Variants in CDC42 observed in about 807,000 individuals in gnomAD.
The protein encoded by CDC42 is cell division cycle 42, also known as cell division control protein 42 homolog.
CDC42 carries 1 observed loss-of-function variant against 20.8 expected under a neutral mutation model. The ratio of observed to expected loss-of-function variants is 0.05; its 90% CI spans 0.02 to 0.23. The LOEUF (loss-of-function observed/expected upper bound fraction) is 0.23, where lower values mean the gene tolerates loss of function less well. CDC42 is among the 10% of genes least tolerant of loss of function. The pLI is 1.00. For missense variants in CDC42, 49 were observed against 227.9 expected (o/e 0.21, Z 5.05); for synonymous variants, 72 against 84.8 (o/e 0.85, Z 0.83).
chr1:22,060,504 T>A (rs1297031081), intron 1 of CDC42, among the ~76,000 whole-genome samples: 1 of 152,086 alleles, frequency 6.6e-6, no homozygotes, highest in African/African-American at 2.4e-5. Context: ...GAAAAGAGGA[T>A]AAATTTAGTA....
chr1:22,086,327 A>G (rs1431487777), intron 3 of CDC42, 112 bp from the exon 4 acceptor site: 5 of 666,560 alleles, frequency 7.5e-6, no homozygotes, highest in Non-Finnish European at 1.1e-5. Flanking sequence ...AAAGCCATAC[A>G]TTTTATTAGA....
intron 1 of CDC42, among the ~76,000 whole-genome samples, chr1:22,070,418 CCTTTGTTGTCCT>C (rs1557898085): frequency 1.4e-5 from 2 of 147,618 alleles, no homozygotes; most frequent in Admixed American, 1.4e-4. Context: ...CTTCCTCCTT[CCTTTGTTGTCCT>C]CTGCCTTTGC....
chr1:22,061,857 G>A (rs1349883672), intron 1 of CDC42, among the ~76,000 whole-genome samples: 3 of 151,696 alleles, frequency 2.0e-5, no homozygotes, highest in Non-Finnish European at 4.4e-5. Flanking sequence ...CACTGCGCCC[G>A]GCCTAACTTG....
At chr1:22,060,390 G>T (rs959318194) in intron 1 of CDC42, among the ~76,000 whole-genome samples, 1 of 152,082 alleles carries the variant, frequency 6.6e-6, no homozygotes, top group Non-Finnish European at 1.5e-5. Flanking sequence ...GTGGAAGGAG[G>T]AGAGGTGTCT....
chr1:22,077,033 G>C (rs1385740400), intron 1 of CDC42, among the ~76,000 whole-genome samples: 1 of 151,936 alleles, frequency 6.6e-6, no homozygotes, highest in Admixed American at 6.6e-5. Context: ...GCATGCGTCT[G>C]TGGTTCCAGC....
chr1:22,088,197 G>C (rs925104694), intron 5 of CDC42, among the ~76,000 whole-genome samples: 9 of 152,174 alleles, frequency 5.9e-5, no homozygotes, highest in African/African-American at 1.9e-4. Context: ...TGTATATTGG[G>C]GGAGACAAGG....
chr1:22,053,380 C>G (rs943645022), intron 1 of CDC42: 3 of 152,052 alleles, frequency 2.0e-5, no homozygotes, highest in African/African-American at 4.8e-5. Context: ...CGGCCGCGTC[C>G]TCTGGGCGGG....
rs1008395975 is a variant in CDC42 at position 22,101,123 on chromosome 1, C to T, written c.*9606C>T. ...TATCTCCTCTGCTGCTAGAAAACTC[C>T]GTGAACCCTGGTACATATAGCGTGA... On this transcript the variant is annotated 3_prime_UTR_variant, in exon 6 of 6. Coordinates refer to ENST00000656825, the MANE Select transcript of CDC42 (RefSeq NM_001791.4). The T allele has an allele frequency of 1.3e-5, 2 of 152,156 alleles. No homozygotes were observed. Among genetic ancestry groups the T allele is most frequent in the African/African-American group, 4.8e-5 (2 of 41,418 alleles). 9.4% of individuals were successfully genotyped at this position (152,156 alleles called of 1,614,324 possible).
At chr1:22,065,303 A>G (rs1452226528) in intron 1 of CDC42, among the ~76,000 whole-genome samples, 2 of 152,238 alleles carry the variant, frequency 1.3e-5, no homozygotes, top group Non-Finnish European at 2.9e-5. Context: ...GGTGGTTTAC[A>G]GCCCTTTCTG....
At chr1:22,080,979 G>A (rs946571752) in intron 2 of CDC42, among the ~76,000 whole-genome samples, 1 of 152,144 alleles carries the variant, frequency 6.6e-6, no homozygotes, top group South Asian at 2.1e-4. Flanking sequence ...GACCAGCCTG[G>A]CCAACATAGT....
chr1:22,074,520 C>T (rs889715241), intron 1 of CDC42, among the ~76,000 whole-genome samples: 1 of 152,130 alleles, frequency 6.6e-6, no homozygotes, highest in Non-Finnish European at 1.5e-5. Flanking sequence ...CCCAAAGTCT[C>T]TCCCCTGATT....
At chr1:22,072,063 A>G (rs1569997405) in intron 1 of CDC42, among the ~76,000 whole-genome samples, 1 of 146,498 alleles carries the variant, frequency 6.8e-6, no homozygotes, top group East Asian at 2.0e-4. Context: ...AGAACAACTC[A>G]TAGAACTCAG....
chr1:22,071,943 C>G (rs900236214), intron 1 of CDC42, among the ~76,000 whole-genome samples: 1 of 152,120 alleles, frequency 6.6e-6, no homozygotes, highest in African/African-American at 2.4e-5. Context: ...GAAGACTGCC[C>G]TCACTTTAGG....
rs575128828 is a variant in CDC42 at position 22,093,032 on chromosome 1, T to G, written c.*1515T>G. 1.1e-4 allele frequency: 17 copies of G among 152,774 alleles called. No individual in the cohort carries two copies. Among genetic ancestry groups the G allele is most frequent in the Middle Eastern group, 3.4e-3 (1 of 294 alleles). The allele number at this position is 152,774 out of a possible 1,614,324, so 9.5% of individuals were successfully genotyped here. ...AATTTGACTCTTGATAACATCAATT[T>G]CTAACAAACTTTGGGATAAAATTTT... On this transcript the variant is annotated 3_prime_UTR_variant, in exon 6 of 6. Transcript: ENST00000656825.
chr1:22,061,410 G>C (rs1204171936), intron 1 of CDC42, among the ~76,000 whole-genome samples: 4 of 13,060 alleles, frequency 3.1e-4, no homozygotes, highest in African/African-American at 8.2e-4. Context: ...CTCTGTCTCA[G>C]GAAAAAAAAA....
At chr1:22,063,814 G>A (rs960320270) in intron 1 of CDC42, among the ~76,000 whole-genome samples, 2 of 151,946 alleles carry the variant, frequency 1.3e-5, no homozygotes, top group Admixed American at 6.6e-5. Flanking sequence ...TTCGCCTCCC[G>A]GGTTCAAGTG....
chr1:22,070,243 C>T (rs1366170703), intron 1 of CDC42, among the ~76,000 whole-genome samples: 1 of 152,168 alleles, frequency 6.6e-6, no homozygotes, highest in Non-Finnish European at 1.5e-5. Context: ...TGCTAACATT[C>T]TTAAATATCT....
At chr1:22,055,304 A>G (rs530022617) in intron 1 of CDC42, among the ~76,000 whole-genome samples, 33 of 150,078 alleles carry the variant, frequency 2.2e-4, no homozygotes, top group African/African-American at 8.3e-4. Context: ...GTAATCAACT[A>G]AGTATTGAAT....
intron 3 of CDC42, among the ~76,000 whole-genome samples, chr1:22,085,222 ACT>A (rs145425127): frequency 0.58 from 77,266 of 133,776 alleles, 21,602 homozygotes; most frequent in South Asian, 0.63. Context: ...ATAGAGTGAG[ACT>A]CTGTCTAAAA....
Sources: gnomAD v4.1 joint callset for allele counts (sites outside exome capture counted in the v4.1 genomes callset) on GRCh38, gnomAD v4.1.1 for gene constraint, MANE v1.5 for transcripts, NCBI Gene and HGNC (gene_info 2026-07-23, HGNC 2026-07-21) for gene names.